ITGB8: variants seen among roughly 807,000 people sequenced by gnomAD.
ITGB8 encodes the protein integrin subunit beta 8, also known as integrin beta-8.
In ITGB8, 30 loss-of-function variants were observed where a neutral mutation model predicts 89.5. The observed-to-expected ratio is 0.34, with a 90% CI of 0.25 to 0.45. The LOEUF (loss-of-function observed/expected upper bound fraction) is 0.45, where lower values mean the gene tolerates loss of function less well. ITGB8 is among the 20% of genes least tolerant of loss of function. The pLI is 1.00. For synonymous variants in ITGB8, 335 were observed against 320.4 expected, an observed-to-expected ratio of 1.05 and a Z score of -0.49; for missense variants, 836 against 933.3, an observed-to-expected ratio of 0.90 and a Z score of 1.36.
chr7:20,330,756 G>C (rs917184041), upstream of ITGB8: 10 of 152,190 alleles, frequency 6.6e-5, no homozygotes, highest in Non-Finnish European at 1.3e-4. Context: ...CTCCGGTAGC[G>C]TGGGGAGGTT....
rs537478166 is a variant in ITGB8 at position 20,378,950 on chromosome 7, T to A, written c.389-101T>A. ...ATTCCAAATTTTATGTGCAAATTTG[T>A]GATGATTGTGCTAGGTGCTAGAATG... On this transcript the variant is annotated intron_variant, in intron 3 of 13. Coordinates refer to ENST00000222573, the MANE Select transcript of ITGB8 (RefSeq NM_002214.3). 10 of 730,366 alleles carry A rather than the reference T, an allele frequency of 1.4e-5. No homozygotes were observed. The South Asian group carries it at 3.5e-4, about 26-fold the overall frequency. 45.2% of individuals were successfully genotyped at this position (730,366 alleles called of 1,614,324 possible).
At chr7:20,342,125 T>C (rs1339939662) in intron 1 of ITGB8, among the ~76,000 whole-genome samples, 1 of 152,118 alleles carries the variant, frequency 6.6e-6, no homozygotes, top group Non-Finnish European at 1.5e-5. Context: ...TCTTGGCCCT[T>C]TGAACAAACT....
intron 3 of ITGB8, among the ~76,000 whole-genome samples, chr7:20,370,596 C>CTTTTTT (rs60693419): frequency 1.5e-5 from 2 of 136,616 alleles, no homozygotes; most frequent in African/African-American, 5.5e-5. Flanking sequence ...TATTTATTTA[C>CTTTTTT]TTATTTATTA....
rs144404454 is a variant in ITGB8, at chr7:20,364,286, T to C, written c.213+564T>C. Among the ~76,000 whole-genome samples, 19 of 152,296 alleles carry C rather than the reference T, an allele frequency of 1.2e-4. No individual in the cohort carries two copies. In the East Asian group the frequency reaches 2.7e-3, roughly 22 times the overall value. On this transcript the variant is annotated intron_variant, in intron 2 of 13. Transcript: ENST00000222573. ...TCTGCTAATCTGGGGTTTCTTCTTG[T>C]ATGAGATTGCCTAAATAATTTTACA...
chr7:20,335,579 A>G (rs1298225400), intron 1 of ITGB8, among the ~76,000 whole-genome samples: 1 of 152,224 alleles, frequency 6.6e-6, no homozygotes, highest in Non-Finnish European at 1.5e-5. Flanking sequence ...CAATATCCAT[A>G]TATGTGGCAA....
chr7:20,355,090 A>G (rs1398820940), intron 1 of ITGB8, among the ~76,000 whole-genome samples: 1 of 152,198 alleles, frequency 6.6e-6, no homozygotes, highest in African/African-American at 2.4e-5. Context: ...ACTTTCTCAA[A>G]GGAATTGCCC....
intron 1 of ITGB8, among the ~76,000 whole-genome samples, chr7:20,343,947 AG>A (rs1784842056): frequency 6.6e-6 from 1 of 152,186 alleles, no homozygotes; most frequent in Admixed American, 6.5e-5. Flanking sequence ...TATTTGAAAA[AG>A]GCCTTGCAGT....
chr7:20,383,924 T>G (rs571603207), intron 6 of ITGB8, among the ~76,000 whole-genome samples: 1 of 152,284 alleles, frequency 6.6e-6, no homozygotes, highest in South Asian at 2.1e-4. Flanking sequence ...GAAGGATACT[T>G]TTATTTTATT....
rs71020629 is a variant in ITGB8, at chr7:20,360,348, A to ATTTTTTTTTTTTTTT, written c.128-3276_128-3275insTTTTTTTTTTTTTTT. Among the ~76,000 whole-genome samples the ATTTTTTTTTTTTTTT allele has an allele frequency of 6.6e-4, 84 of 127,696 alleles. 6 individuals carry two copies. The highest frequency in any genetic ancestry group is 2.1e-3 in the African/African-American group (71 of 33,718). The allele number at this position is 127,696 out of a possible 152,430, so 83.8% of individuals were successfully genotyped here. Reference sequence around the variant, plus strand: ...CCTTCCATGAGACTACAGTCCTTTAATTTTTTTTTTTTTACTTGAGTAGCG... The same window carrying ATTTTTTTTTTTTTTT: ...CCTTCCATGAGACTACAGTCCTTTAATTTTTTTTTTTTTTTTTTTTTTTTTTTTACTTGAGTAGCG... On this transcript the variant is annotated intron_variant, in intron 1 of 13. Coordinates refer to ENST00000222573, the MANE Select transcript of ITGB8 (RefSeq NM_002214.3).
Position 20,363,620 on chromosome 7 carries a change from T to C in ITGB8, c.128-17T>C. The C allele has an allele frequency of 1.3e-6, 2 of 1,496,262 alleles. No individual in the cohort carries two copies. The highest frequency in any genetic ancestry group is 1.8e-6 in the Non-Finnish European group (2 of 1,103,182). The allele number at this position is 1,496,262 out of a possible 1,614,324, so 92.7% of individuals were successfully genotyped here. On this transcript the variant is annotated splice_polypyrimidine_tract_variant and intron_variant, in intron 1 of 13. Coordinates refer to ENST00000222573, the MANE Select transcript of ITGB8 (RefSeq NM_002214.3). ...TATTTTGAGAGTAAATTATAACTGTTTTCTCCTTCATTGCAGAAGACAATA... is the reference window on the plus strand; with the variant it reads ...TATTTTGAGAGTAAATTATAACTGTCTTCTCCTTCATTGCAGAAGACAATA...
chr7:20,341,081 G>A (rs772751404), intron 1 of ITGB8, among the ~76,000 whole-genome samples: 28 of 152,196 alleles, frequency 1.8e-4, no homozygotes, highest in Non-Finnish European at 3.8e-4. Context: ...GTTCTAGTTG[G>A]AAACAAAGAC....
At chr7:20,389,516 G>A (rs1025899844) in intron 6 of ITGB8, among the ~76,000 whole-genome samples, 1 of 152,190 alleles carries the variant, frequency 6.6e-6, no homozygotes, top group East Asian at 1.9e-4. Flanking sequence ...ACATTTTAGA[G>A]TGCCACTTAA....
chr7:20,392,171 C>A (rs1208583239), intron 7 of ITGB8, among the ~76,000 whole-genome samples: 2 of 152,096 alleles, frequency 1.3e-5, no homozygotes, highest in Non-Finnish European at 1.5e-5. Flanking sequence ...ATCTTTAAGG[C>A]TCTTTCTTCC....
intron 8 of ITGB8, among the ~76,000 whole-genome samples, chr7:20,395,953 A>C (rs1293894642): frequency 6.6e-6 from 1 of 152,180 alleles, no homozygotes; most frequent in Admixed American, 6.5e-5. Flanking sequence ...GCTACCTTGA[A>C]TTTATGGGCC....
chr7:20,344,794 A>C (rs978509815), intron 1 of ITGB8, among the ~76,000 whole-genome samples: 1 of 152,218 alleles, frequency 6.6e-6, no homozygotes, highest in African/African-American at 2.4e-5. Flanking sequence ...GAGAGAGAGC[A>C]CATACGATGT....
At chr7:20,388,836 T>C (rs1243634522) in intron 6 of ITGB8, among the ~76,000 whole-genome samples, 1 of 152,152 alleles carries the variant, frequency 6.6e-6, no homozygotes, top group Non-Finnish European at 1.5e-5. Flanking sequence ...CCTCCCTGTG[T>C]CCATGTGTTC....
chr7:20,375,018 A>G (rs1391259635), intron 3 of ITGB8, among the ~76,000 whole-genome samples: 1 of 152,194 alleles, frequency 6.6e-6, no homozygotes, highest in Non-Finnish European at 1.5e-5. Context: ...ATATCCCAGT[A>G]TTCTGGCATG....
intron 1 of ITGB8, chr7:20,346,744 G>T (rs1784938338): frequency 1.0e-6 from 1 of 985,144 alleles, no homozygotes; most frequent in Non-Finnish European, 1.2e-6. Context: ...TGCCTGAGAA[G>T]TATATAACAC....
intron 3 of ITGB8, among the ~76,000 whole-genome samples, chr7:20,370,925 A>G (rs1785911023): frequency 6.6e-6 from 1 of 152,158 alleles, no homozygotes; most frequent in South Asian, 2.1e-4. Flanking sequence ...AAACTCTTAC[A>G]TCACTTTAGG....
Sources: allele counts gnomAD v4.1 joint callset (sites outside exome capture counted in the v4.1 genomes callset), GRCh38; gene constraint gnomAD v4.1.1; transcripts MANE v1.5; gene names NCBI Gene and HGNC (gene_info 2026-07-23, HGNC 2026-07-21).